The following SLC20A2 variants were observed in gnomAD, a reference collection of about 807,000 sequenced individuals.
The protein encoded by SLC20A2 is solute carrier family 20 member 2, also known as sodium-dependent phosphate transporter 2.
A neutral mutation model predicts 61.0 loss-of-function variants in SLC20A2; 30 were observed. The ratio of observed to expected loss-of-function variants is 0.49; its 90% CI spans 0.37 to 0.67. The LOEUF is 0.67. Ranked by LOEUF, SLC20A2 falls within the 30% of genes least tolerant of loss-of-function variation. The pLI, the probability that SLC20A2 is intolerant of heterozygous loss-of-function variation, is 0.00. For synonymous variants in SLC20A2, 351 were observed against 353.3 expected, an observed-to-expected ratio of 0.99 and a Z score of 0.07; for missense variants, 626 against 866.4, an observed-to-expected ratio of 0.72 and a Z score of 3.48.
chr8:42,529,800 C>A (rs1354316602), intron 1 of SLC20A2, among the ~76,000 whole-genome samples: 1 of 152,202 alleles, frequency 6.6e-6, no homozygotes. Context: ...GATATTAATG[C>A]ACCAAGTCTC....
chr8:42,456,816 A>G (rs1586091567), intron 5 of SLC20A2, among the ~76,000 whole-genome samples: 1 of 151,908 alleles, frequency 6.6e-6, no homozygotes, highest in Admixed American at 6.6e-5. Context: ...CAGGCCTTCC[A>G]ATTACCTGGC....
At chr8:42,438,835 G>C (rs1390853941) in intron 7 of SLC20A2, among the ~76,000 whole-genome samples, 3 of 152,132 alleles carry the variant, frequency 2.0e-5, no homozygotes, top group African/African-American at 7.2e-5. Flanking sequence ...TCCTGCCTCA[G>C]CCTCCCGAGT....
intron 1 of SLC20A2, among the ~76,000 whole-genome samples, chr8:42,528,218 T>C (rs1350102757): frequency 6.6e-6 from 1 of 152,076 alleles, no homozygotes; most frequent in Admixed American, 6.5e-5. Context: ...TCCCAGAACT[T>C]TGGGAGGCCG....
In SLC20A2 at chr8:42,531,039, G is replaced by T. The variant is rs1488862857; in HGVS notation, c.-265+10782C>A. Among the ~76,000 whole-genome samples, 3 of 152,138 alleles carry T rather than the reference G, an allele frequency of 2.0e-5. No individual in the cohort carries two copies. The East Asian group carries it at 5.8e-4, about 29-fold the overall frequency. On this transcript the variant is annotated intron_variant, in intron 1 of 10. Transcript: ENST00000342228. ...CCAGCCAGACTCTCCCTATTAATCA[G>T]TTCTCCTGTAATAGCTGCTACACAC...
chr8:42,512,949 A>C (rs1811111989), intron 1 of SLC20A2, among the ~76,000 whole-genome samples: 1 of 152,214 alleles, frequency 6.6e-6, no homozygotes. Flanking sequence ...AAAATCATTA[A>C]GATAAGGAAC....
intron 10 of SLC20A2, among the ~76,000 whole-genome samples, chr8:42,420,631 G>A (rs941624033): frequency 6.6e-6 from 1 of 152,104 alleles, no homozygotes; most frequent in Non-Finnish European, 1.5e-5. Flanking sequence ...TGCTCATATA[G>A]AACAGGTTCC....
intron 1 of SLC20A2, chr8:42,537,637 TA>T (rs1219331132): frequency 3.3e-5 from 5 of 152,210 alleles, no homozygotes; most frequent in Non-Finnish European, 7.3e-5. Flanking sequence ...TCAGTATCTA[TA>T]AAAAATCATA....
chr8:42,476,944 C>T (rs907234744), intron 1 of SLC20A2, among the ~76,000 whole-genome samples: 4 of 152,216 alleles, frequency 2.6e-5, no homozygotes, highest in African/African-American at 9.6e-5. Context: ...TCACCTGAAC[C>T]GTGGGGACTG....
intron 8 of SLC20A2, among the ~76,000 whole-genome samples, chr8:42,432,863 T>C (rs1803970251): frequency 6.6e-6 from 1 of 152,246 alleles, no homozygotes; most frequent in Admixed American, 6.5e-5. Context: ...GACTATGGTA[T>C]ACTATTACAG....
intron 10 of SLC20A2, among the ~76,000 whole-genome samples, chr8:42,421,679 C>T (rs1414942821): frequency 6.6e-6 from 1 of 152,080 alleles, no homozygotes; most frequent in African/African-American, 2.4e-5. Context: ...TGCTGCACAC[C>T]TGTAATCCCA....
intron 1 of SLC20A2, among the ~76,000 whole-genome samples, chr8:42,485,239 A>C (rs1476032302): frequency 1.3e-5 from 2 of 152,030 alleles, no homozygotes; most frequent in East Asian, 3.9e-4. Flanking sequence ...CCCTGGGTAC[A>C]CTCACGGGGT....
chr8:42,483,933 T>C (rs1031165929), intron 1 of SLC20A2, among the ~76,000 whole-genome samples: 1 of 152,246 alleles, frequency 6.6e-6, no homozygotes, highest in Non-Finnish European at 1.5e-5. Context: ...TTGATTCTAT[T>C]GGAGGTTCAA....
intron 4 of SLC20A2, among the ~76,000 whole-genome samples, chr8:42,460,417 A>G (rs1563484133): frequency 2.0e-5 from 3 of 152,232 alleles, no homozygotes; most frequent in African/African-American, 7.2e-5. Flanking sequence ...ATAATTTGAG[A>G]TTCCAACCTC....
chr8:42,437,382 T>C lies in SLC20A2; in HGVS notation c.1130A>G (p.Tyr377Cys), dbSNP rs2131007065. The change falls in exon 8 of 11, where the codon TAC (tyrosine) becomes TGC (cysteine). Residue 377 changes from tyrosine to cysteine, a missense_variant. Physicochemically the swap from Tyr to Cys is radical, Grantham distance 194 (BLOSUM62 -2). Around this residue, in one of 3 missense-constraint regions of SLC20A2, gnomAD observed 361 missense variants for 422.3 expected, o/e 0.85. Coordinates refer to ENST00000520262, the MANE Select transcript of SLC20A2 (RefSeq NM_001257180.2). This position sits in a 1 kb window ranked among gnomAD's most constrained non-coding sequence, Gnocchi z 6.4. ...PEEKPAQESN[Y>C]RLLRRNNSYT... ...ACTGTTGTTTCGGCGCAGCAGCCGG[T>C]AGTTGCTTTCCTGGGCTGGCTTCTC... 1 of 1,614,072 alleles carries C rather than the reference T, an allele frequency of 6.2e-7. No homozygotes were observed. Among genetic ancestry groups the C allele is most frequent in the Non-Finnish European group, 8.5e-7 (1 of 1,179,992 alleles).
At chr8:42,538,010 G>C (rs1210624592) in intron 1 of SLC20A2, 2 of 152,056 alleles carry the variant, frequency 1.3e-5, no homozygotes, top group Non-Finnish European at 2.9e-5. Context: ...GGAAATAATT[G>C]TACCTACTTC....
chr8:42,425,527 G>A (rs1259362547), intron 10 of SLC20A2, among the ~76,000 whole-genome samples: 1 of 152,156 alleles, frequency 6.6e-6, no homozygotes, highest in African/African-American at 2.4e-5. Flanking sequence ...CCAACTACAC[G>A]GCAAGTTCCT....
chr8:42,419,433 T>C (rs570690965), intron 10 of SLC20A2, among the ~76,000 whole-genome samples: 14 of 152,076 alleles, frequency 9.2e-5, no homozygotes, highest in African/African-American at 2.7e-4. Context: ...TAGCCAGGTG[T>C]GGTGGTGCAT....
rs1235640496 is a variant in SLC20A2, at chr8:42,417,696, G to A, written c.*107C>T. On this transcript the variant is annotated 3_prime_UTR_variant, in exon 11 of 11. Coordinates refer to ENST00000520262, the MANE Select transcript of SLC20A2 (RefSeq NM_001257180.2). ...AAGGGAGGCAGAGAGCTGGTCATGA[G>A]AGAGCCGTGCACGGCCAGGATGTGT... 8.0e-6 allele frequency: 10 copies of A among 1,250,684 alleles called. No homozygotes were observed. The highest frequency in any genetic ancestry group is 1.1e-5 in the Non-Finnish European group (10 of 881,818). 77.5% of individuals were successfully genotyped at this position (1,250,684 alleles called of 1,614,324 possible).
At chr8:42,476,287 T>C (rs1808098210) in intron 1 of SLC20A2, among the ~76,000 whole-genome samples, 1 of 151,820 alleles carries the variant, frequency 6.6e-6, no homozygotes, top group African/African-American at 2.4e-5. Context: ...TTATTTTTAG[T>C]AGAGACGGGG....
Sources: allele counts gnomAD v4.1 joint callset (sites outside exome capture counted in the v4.1 genomes callset), GRCh38; gene constraint gnomAD v4.1.1; regional missense constraint gnomAD v4.1.1; non-coding constraint Gnocchi (gnomAD v3.1); transcripts MANE v1.5; gene names NCBI Gene and HGNC (gene_info 2026-07-23, HGNC 2026-07-21).